The following FBXO36 variants were observed in gnomAD, a reference collection of about 807,000 sequenced individuals.
The protein encoded by FBXO36 is F-box only protein 36.
FBXO36 carries 18 observed loss-of-function variants against 17.0 expected under a neutral mutation model. The observed-to-expected ratio is 1.06, with a 90% CI of 0.73 to 1.57. FBXO36 has a LOEUF of 1.57. FBXO36 is among the 40% of genes most tolerant of loss of function. The pLI is 0.00. For synonymous variants in FBXO36, 83 were observed against 85.3 expected (o/e 0.97, Z 0.15); for missense variants, 229 against 221.9 (o/e 1.03, Z -0.20).
rs1440739009 is a variant in FBXO36, at chr2:230,010,847, A to G, written c.530A>G (p.Lys177Arg). The change falls in exon 4 of 4, where the codon AAA (lysine) becomes AGA (arginine). Residue 177 changes from lysine to arginine, a missense_variant. Coordinates refer to ENST00000283946, the MANE Select transcript of FBXO36 (RefSeq NM_174899.5). ...LQLQRQLRKR[K>R]QKYGNLREKQ... ...CTCCAGCGGCAGCTCCGCAAGAGGA[A>G]ACAAAAATATGGAAACCTGAGAGAA... 6.2e-7 allele frequency: 1 copy of G among 1,613,334 alleles called. No individual in the cohort carries two copies.
chr2:229,971,793 A>T (rs2077181605), intron 1 of FBXO36, among the ~76,000 whole-genome samples: 1 of 151,686 alleles, frequency 6.6e-6, no homozygotes, highest in Non-Finnish European at 1.5e-5. Context: ...GGCTCAAGTG[A>T]TCCTCCCACC....
chr2:229,922,700 C>T lies in FBXO36; in HGVS notation c.96+91C>T, dbSNP rs1326446812. 2.2e-6 allele frequency: 3 copies of T among 1,335,646 alleles called. No individual in the cohort carries two copies. In the African/African-American group the frequency reaches 4.4e-5, roughly 20 times the overall value. 82.7% of individuals were successfully genotyped at this position (1,335,646 alleles called of 1,614,324 possible). A position where few individuals can be genotyped will look rare whatever the true frequency, so the allele number is the denominator to read the frequency against. ...GCAGGCTGTGCTAGGCCAAGAGCAA[C>T]CGTAGCCCGCCGGAAGCGCCCAGTC... On this transcript the variant is annotated intron_variant, in intron 1 of 3. Transcript: ENST00000283946.
chr2:229,939,703 TCTTC>T (rs1007108128), intron 1 of FBXO36, among the ~76,000 whole-genome samples: 1 of 152,166 alleles, frequency 6.6e-6, no homozygotes. Context: ...TTACTTACTG[TCTTC>T]CACACGTTGG....
chr2:229,996,008 T>A (rs968648587), intron 2 of FBXO36, among the ~76,000 whole-genome samples: 4 of 151,592 alleles, frequency 2.6e-5, no homozygotes, highest in African/African-American at 9.7e-5. Flanking sequence ...GGGTGTGGTG[T>A]CTCATGCCTG....
chr2:229,970,413 C>T (rs900985712), intron 1 of FBXO36, among the ~76,000 whole-genome samples: 1 of 152,110 alleles, frequency 6.6e-6, no homozygotes, highest in African/African-American at 2.4e-5. Context: ...AACTCAGAAA[C>T]CTGAGCATCA....
At chr2:229,936,259 C>T (rs1367004407) in intron 1 of FBXO36, among the ~76,000 whole-genome samples, 1 of 152,146 alleles carries the variant, frequency 6.6e-6, no homozygotes, top group African/African-American at 2.4e-5. Context: ...CTGTCTCTCC[C>T]CATCATGCTT....
At chr2:229,935,567 T>C (rs909363080) in intron 1 of FBXO36, among the ~76,000 whole-genome samples, 1 of 152,084 alleles carries the variant, frequency 6.6e-6, no homozygotes. Flanking sequence ...GGGAGAGTAT[T>C]AACACATAGT....
chr2:229,993,376 C>T (rs1028640986), intron 2 of FBXO36, among the ~76,000 whole-genome samples: 3 of 152,174 alleles, frequency 2.0e-5, no homozygotes, highest in African/African-American at 7.2e-5. Flanking sequence ...GTTGGCTTCT[C>T]GCAGAGTGAG....
At chr2:229,929,371 G>A (rs1323766624) in intron 1 of FBXO36, among the ~76,000 whole-genome samples, 4 of 151,862 alleles carry the variant, frequency 2.6e-5, no homozygotes, top group Admixed American at 6.6e-5. Context: ...AGACCATCCC[G>A]GCCAACATGG....
chr2:230,010,289 C>A (rs927001604), intron 3 of FBXO36, among the ~76,000 whole-genome samples: 1 of 152,068 alleles, frequency 6.6e-6, no homozygotes, highest in African/African-American at 2.4e-5. Context: ...TAAATAAATA[C>A]ATACATAGAT....
At chr2:229,956,748 C>G (rs2077090067) in intron 1 of FBXO36, among the ~76,000 whole-genome samples, 1 of 152,060 alleles carries the variant, frequency 6.6e-6, no homozygotes, top group African/African-American at 2.4e-5. Flanking sequence ...TCTCACTGCA[C>G]TTTGGGAGAG....
intron 2 of FBXO36, among the ~76,000 whole-genome samples, chr2:229,980,924 T>TGTCTCTA (rs1293719204): frequency 6.6e-6 from 1 of 152,144 alleles, no homozygotes. Flanking sequence ...AAGGCTCCTG[T>TGTCTCTA]GTCTCTAAGG....
At chr2:229,994,509 G>A in intron 2 of FBXO36, among the ~76,000 whole-genome samples, 1 of 152,170 alleles carries the variant, frequency 6.6e-6, no homozygotes, top group East Asian at 1.9e-4. Flanking sequence ...CATCCATTCT[G>A]AAATCAGAGA....
chr2:230,007,885 C>G (rs1292949485), intron 3 of FBXO36, among the ~76,000 whole-genome samples: 1 of 152,066 alleles, frequency 6.6e-6, no homozygotes, highest in Non-Finnish European at 1.5e-5. Flanking sequence ...CCTGCCACCA[C>G]CCCTGGCTAA....
At chr2:229,971,054 T>A (rs983483682) in intron 1 of FBXO36, among the ~76,000 whole-genome samples, 2 of 152,232 alleles carry the variant, frequency 1.3e-5, no homozygotes, top group Middle Eastern at 3.4e-3. Flanking sequence ...TGTCTCTTTT[T>A]ACAAGTGATA....
chr2:229,926,151 G>C (rs180892388), intron 1 of FBXO36, among the ~76,000 whole-genome samples: 37 of 149,660 alleles, frequency 2.5e-4, no homozygotes, highest in Non-Finnish European at 3.6e-4. Flanking sequence ...AAAAAGGGGG[G>C]GCTGAGCACA....
intron 3 of FBXO36, among the ~76,000 whole-genome samples, chr2:230,008,742 G>T (rs1474664843): frequency 6.6e-6 from 1 of 152,152 alleles, no homozygotes; most frequent in Non-Finnish European, 1.5e-5. Flanking sequence ...AAGGTCAAAT[G>T]ATCTGTTTTT....
At chr2:229,941,547 G>A (rs1441483069) in intron 1 of FBXO36, among the ~76,000 whole-genome samples, 1 of 152,008 alleles carries the variant, frequency 6.6e-6, no homozygotes, top group African/African-American at 2.4e-5. Flanking sequence ...TAGGTCCAGA[G>A]GAAGCTCGAA....
intron 1 of FBXO36, among the ~76,000 whole-genome samples, chr2:229,926,778 T>A (rs1053181084): frequency 6.6e-6 from 1 of 152,092 alleles, no homozygotes; most frequent in Non-Finnish European, 1.5e-5. Flanking sequence ...GCTCTAGTAG[T>A]TTACATATAT....
Sources: gnomAD v4.1 joint callset for allele counts (sites outside exome capture counted in the v4.1 genomes callset) on GRCh38, gnomAD v4.1.1 for gene constraint, MANE v1.5 for transcripts, NCBI Gene and HGNC (gene_info 2026-07-23, HGNC 2026-07-21) for gene names.